Variants in HHLA1 observed in about 807,000 individuals in gnomAD.
The protein encoded by HHLA1 is HERV-H LTR-associating protein 1.
Under a neutral mutation model 69.9 loss-of-function variants are expected in HHLA1, and 72 were observed. The observed-to-expected ratio is 1.03, with a 90% CI of 0.85 to 1.25. The LOEUF (loss-of-function observed/expected upper bound fraction) is 1.25. Among genes scored for constraint, HHLA1 ranks in the 50% most tolerant of loss-of-function variants. The pLI is 0.00. For missense variants in HHLA1, 685 were observed against 642.2 expected, an observed-to-expected ratio of 1.07 and a Z score of -0.72; for synonymous variants, 252 against 233.2, an observed-to-expected ratio of 1.08 and a Z score of -0.73.
chr8:132,104,520 G>A (rs771071127), intron 2 of HHLA1, among the ~76,000 whole-genome samples: 6 of 152,214 alleles, frequency 3.9e-5, no homozygotes, highest in Admixed American at 6.5e-5. Context: ...CCTGAGAGGG[G>A]GCGTTGAGCT....
intron 1 of HHLA1, among the ~76,000 whole-genome samples, chr8:132,107,561 A>G (rs1203193453): frequency 2.0e-5 from 3 of 152,080 alleles, no homozygotes; most frequent in African/African-American, 7.2e-5. Context: ...CAGCCTCCCA[A>G]ATTGCTGGGA....
At chr8:132,107,867 A>G (rs1350617248) in intron 1 of HHLA1, among the ~76,000 whole-genome samples, 1 of 152,100 alleles carries the variant, frequency 6.6e-6, no homozygotes, top group Non-Finnish European at 1.5e-5. Flanking sequence ...AACACTTCAG[A>G]CTGGCTAGAC....
Position 132,089,165 on chromosome 8 carries a change from C to T in HHLA1, c.532+351G>A, listed in dbSNP as rs199894187. The stretch of plus-strand genomic sequence containing the variant: ...ATAGATTTAAACCTGAATTCTGGCA[C>T]CAAACTTAAGCAAAATATTCAACCT... On this transcript the variant is annotated intron_variant, in intron 8 of 16. Transcript: ENST00000414222. Among the ~76,000 whole-genome samples, 10 of 152,268 alleles carry T rather than the reference C, an allele frequency of 6.6e-5. No individual in the cohort carries two copies. In the East Asian group the frequency reaches 1.9e-3, roughly 29 times the overall value.
intron 3 of HHLA1, among the ~76,000 whole-genome samples, chr8:132,103,047 AT>A (rs896306359): frequency 6.6e-6 from 1 of 152,282 alleles, no homozygotes; most frequent in South Asian, 2.1e-4. Flanking sequence ...GGTTCCTGGC[AT>A]TTTTTGTACT....
rs1170279364 is a variant in HHLA1 at position 132,087,876 on chromosome 8, G to A, written c.558C>T (p.Cys186=). The A allele has an allele frequency of 1.3e-6, 2 of 1,551,454 alleles. No homozygotes were observed. Among genetic ancestry groups the A allele is most frequent in the Non-Finnish European group, 1.7e-6 (2 of 1,146,640 alleles). ...TTCCTGTCATCACACAGATGAAGAT[G>A]CAATCTGATTCATTGCTTTGATTCA... ...LSVNQSNESD[C]IFICVMTGKS... is the part of the protein sequence containing the mutation. The change falls in exon 9 of 17, where the codon TGC becomes TGT. Residue 186 remains cysteine (C), a synonymous_variant. Transcript: ENST00000414222.
intron 1 of HHLA1, among the ~76,000 whole-genome samples, chr8:132,107,837 T>TGGAGAGTC (rs938849389): frequency 7.8e-6 from 1 of 127,814 alleles, no homozygotes; most frequent in Middle Eastern, 4.0e-3. Context: ...ATCCATAGTT[T>TGGAGAGTC]GGAGAGAGTT....
intron 11 of HHLA1, among the ~76,000 whole-genome samples, chr8:132,078,205 C>T (rs919333005): frequency 6.0e-5 from 9 of 149,540 alleles, no homozygotes; most frequent in African/African-American, 2.3e-4. Context: ...CACACACACA[C>T]ACACACAACC....
At chr8:132,074,970 C>T (rs1823611048) in intron 14 of HHLA1, among the ~76,000 whole-genome samples, 1 of 152,076 alleles carries the variant, frequency 6.6e-6, no homozygotes, top group South Asian at 2.1e-4. Flanking sequence ...GATATAGATA[C>T]AGATATAGAT....
chr8:132,067,519 G>T (rs1823462211), intron 15 of HHLA1, among the ~76,000 whole-genome samples: 2 of 152,182 alleles, frequency 1.3e-5, no homozygotes, highest in East Asian at 1.9e-4. Flanking sequence ...GTCAAGGTTG[G>T]CCAACTCAAC....
intron 15 of HHLA1, 138 bp from the exon 16 acceptor site, chr8:132,066,106 TA>T: frequency 7.9e-6 from 3 of 380,120 alleles, no homozygotes; most frequent in Non-Finnish European, 1.6e-5. Context: ...TGCCCATCTT[TA>T]AAGGGTGTCA....
chr8:132,077,726 C>A lies in HHLA1; in HGVS notation c.1171G>T (p.Gly391Ter). 6.4e-7 allele frequency: 1 copy of A among 1,551,068 alleles called. No individual in the cohort carries two copies. The highest frequency in any genetic ancestry group is 8.7e-7 in the Non-Finnish European group (1 of 1,146,620). The change falls in exon 12 of 17, where the codon GGA (glycine) becomes TGA (stop). Residue 391 changes from glycine to a stop codon, truncating the protein, a stop_gained and splice_region_variant. Transcript: ENST00000414222. LOFTEE classifies it high-confidence loss of function. ...GGTAGAAGTGAGCACCCTCTCTTAC[C>A]CAAGGTAGGGCTGGCCTGGGATGGG... is the stretch of plus-strand genomic sequence containing the variant. ...GSPSQASPTL[G>*]AFTHGTQTPS...
Position 132,079,100 on chromosome 8 carries a change from G to A in HHLA1, c.925+618C>T, listed in dbSNP as rs1414973214. Among the ~76,000 whole-genome samples, 4 of 152,246 alleles carry A rather than the reference G, an allele frequency of 2.6e-5. No homozygotes were observed. The East Asian group carries it at 7.7e-4, about 29-fold the overall frequency. ...TCCATTTTATATTATTTCCAAATAGGAAAAATAAGATAAGCATGCCTTTTG... is the reference window on the plus strand; with the variant it reads ...TCCATTTTATATTATTTCCAAATAGAAAAAATAAGATAAGCATGCCTTTTG... On this transcript the variant is annotated intron_variant, in intron 11 of 16. Transcript: ENST00000414222.
chr8:132,095,447 A>G, intron 7 of HHLA1, 72 bp downstream of exon 7: 1 of 1,019,016 alleles, frequency 9.8e-7, no homozygotes, highest in Non-Finnish European at 1.5e-6. Context: ...CATTGAGGAA[A>G]AACAAAAACT....
chr8:132,067,265 C>T (rs1311580055), intron 15 of HHLA1, among the ~76,000 whole-genome samples: 6 of 152,192 alleles, frequency 3.9e-5, no homozygotes, highest in Admixed American at 3.3e-4. Context: ...CTTCTCCCCT[C>T]TACTGCCCTC....
chr8:132,080,125 C>A, intron 10 of HHLA1, 159 bp from the exon 11 acceptor site: 1 of 1,019,566 alleles, frequency 9.8e-7, no homozygotes, highest in Non-Finnish European at 1.5e-6. Context: ...CAGATTCTGA[C>A]CCCTGTCAGA....
In HHLA1 at chr8:132,094,320, C is replaced by T. The variant is rs114735781; in HGVS notation, c.448+1199G>A. On this transcript the variant is annotated intron_variant, in intron 7 of 16. Transcript: ENST00000414222. The stretch of plus-strand genomic sequence containing the variant: ...TTTAAAATGTCAGATCATGTCCCTT[C>T]CCTGTGCAGACAATCACAATGGCTT... Among the ~76,000 whole-genome samples the T allele has an allele frequency of 8.3e-3, 1,262 of 152,316 alleles. 18 individuals carry two copies. The highest frequency in any genetic ancestry group is 0.028 in the African/African-American group (1,181 of 41,572).
At chr8:132,079,687 A>G in intron 11 of HHLA1, 31 bp downstream of exon 11, 1 of 1,514,504 alleles carries the variant, frequency 6.6e-7, no homozygotes, top group South Asian at 1.3e-5. Context: ...AGACATAGCA[A>G]AGGGGAGGAA....
At chr8:132,076,713 G>A (rs77838716) in intron 12 of HHLA1, among the ~76,000 whole-genome samples, 170 bp from the exon 13 acceptor site, 2,260 of 152,238 alleles carry the variant, frequency 0.015, 29 homozygotes, top group Non-Finnish European at 0.025. Flanking sequence ...ACAATGGAGT[G>A]TGAAAAAGGA....
chr8:132,081,517 G>A (rs1047158247), intron 10 of HHLA1, among the ~76,000 whole-genome samples: 3 of 152,164 alleles, frequency 2.0e-5, no homozygotes, highest in African/African-American at 7.2e-5. Context: ...AATACTAAGA[G>A]CCTGAAAAAC....
Sources: allele counts gnomAD v4.1 joint callset (sites outside exome capture counted in the v4.1 genomes callset), GRCh38; gene constraint gnomAD v4.1.1; transcripts MANE v1.5; gene names NCBI Gene and HGNC (gene_info 2026-07-23, HGNC 2026-07-21).